Variants in PUM1 observed in about 807,000 individuals in gnomAD.
The protein encoded by PUM1 is pumilio homolog 1.
A neutral mutation model predicts 131.8 loss-of-function variants in PUM1; 13 were observed. That is an observed-to-expected ratio of 0.10 (90% confidence interval 0.06 to 0.16). The LOEUF (loss-of-function observed/expected upper bound fraction) is 0.16, where lower values mean the gene tolerates loss of function less well. PUM1 is among the 10% of genes least tolerant of loss of function. The pLI is 1.00. For missense variants in PUM1, 961 were observed against 1,512.4 expected (o/e 0.64, Z 6.05); for synonymous variants, 509 against 556.5 (o/e 0.91, Z 1.20).
chr1:31,056,907 C>T (rs1644254579), intron 2 of PUM1, among the ~76,000 whole-genome samples: 1 of 152,126 alleles, frequency 6.6e-6, no homozygotes, highest in Non-Finnish European at 1.5e-5. Context: ...ACTCTCCTGC[C>T]TCAGCCTTCC....
intron 7 of PUM1, among the ~76,000 whole-genome samples, chr1:30,983,245 T>C (rs567671416): frequency 1.3e-5 from 2 of 152,218 alleles, no homozygotes; most frequent in Non-Finnish European, 2.9e-5. Context: ...AGTAAAACAG[T>C]AGAAAGTTAC....
intron 14 of PUM1, among the ~76,000 whole-genome samples, chr1:30,954,913 A>G (rs1362232863): frequency 6.6e-6 from 1 of 152,066 alleles, no homozygotes; most frequent in Non-Finnish European, 1.5e-5. Context: ...AAAATAAAAA[A>G]TAAAAATTAG....
intron 14 of PUM1, among the ~76,000 whole-genome samples, chr1:30,956,494 C>T (rs1640171764): frequency 6.6e-6 from 1 of 152,144 alleles, no homozygotes; most frequent in Admixed American, 6.5e-5. Context: ...AAACTCCTGA[C>T]CTCATGTGAT....
intron 10 of PUM1, among the ~76,000 whole-genome samples, chr1:30,973,852 G>A (rs1641028259): frequency 6.6e-6 from 1 of 152,080 alleles, no homozygotes; most frequent in Non-Finnish European, 1.5e-5. Flanking sequence ...CACTTTGGGA[G>A]GCCGAGGCGG....
Position 30,941,226 on chromosome 1 carries a change from C to T in PUM1, c.3167G>A (p.Arg1056His), listed in dbSNP as rs142957510. ...YVIQHVLEHG[R>H]PEDKSKIVAE... The stretch of plus-strand genomic sequence containing the variant: ...TACAATTTTGCTTTTATCCTCAGGA[C>T]GACCGTGCTCCAGTACATGTTGGAT... Residue 1056 changes from arginine (R) to histidine (H), a missense_variant, in exon 20 of 22, where the codon CGT becomes CAT. Physicochemically the swap from Arg to His is conservative, Grantham distance 29. This residue lies in a region of PUM1 where 178 missense variants were observed against 327.5 expected (regional missense o/e 0.54). Transcript: ENST00000426105. The T allele has an allele frequency of 1.2e-5, 19 of 1,612,410 alleles. No homozygotes were observed. Among genetic ancestry groups the T allele is most frequent in the Non-Finnish European group, 1.5e-5 (18 of 1,178,576 alleles).
chr1:30,995,244 T>G (rs1426236137), intron 5 of PUM1, 24 bp from the exon 6 acceptor site: 3 of 1,612,962 alleles, frequency 1.9e-6, no homozygotes, highest in Non-Finnish European at 2.5e-6. Flanking sequence ...AGCTTCAGCT[T>G]CACTAATCGT....
intron 16 of PUM1, among the ~76,000 whole-genome samples, chr1:30,951,378 T>C (rs964044368): frequency 2.0e-5 from 3 of 152,176 alleles, no homozygotes; most frequent in Non-Finnish European, 4.4e-5. Flanking sequence ...TGAAAAAACA[T>C]AAGTCTTCAT....
chr1:31,009,528 G>A (rs1238647187), intron 3 of PUM1, among the ~76,000 whole-genome samples: 2 of 152,138 alleles, frequency 1.3e-5, no homozygotes, highest in South Asian at 2.1e-4. Flanking sequence ...CACCTTGGGA[G>A]GCTGAGGCAG....
intron 3 of PUM1, among the ~76,000 whole-genome samples, chr1:31,013,550 A>T (rs1227383994): frequency 6.6e-6 from 1 of 152,232 alleles, no homozygotes; most frequent in Non-Finnish European, 1.5e-5. Context: ...GTTTCACTGG[A>T]ATGCAGCCAA....
At chr1:31,038,984 ATTTT>A (rs35507851) in intron 2 of PUM1, among the ~76,000 whole-genome samples, 666 of 49,420 alleles carry the variant, frequency 0.013, 24 homozygotes, top group Middle Eastern at 0.028. Flanking sequence ...ATATATATAT[ATTTT>A]TTTTTTTTTT....
At chr1:31,016,064 T>C (rs1642807685) in intron 3 of PUM1, among the ~76,000 whole-genome samples, 1 of 152,226 alleles carries the variant, frequency 6.6e-6, no homozygotes, top group African/African-American at 2.4e-5. Flanking sequence ...AGCAAGCTGA[T>C]ACAGGCTTAG....
intron 18 of PUM1, among the ~76,000 whole-genome samples, chr1:30,944,071 T>C (rs141676939): frequency 6.6e-6 from 1 of 152,218 alleles, no homozygotes. Flanking sequence ...TTTTGTTGTA[T>C]AATTCCATAA....
intron 2 of PUM1, among the ~76,000 whole-genome samples, chr1:31,038,212 AAAAG>A (rs1376029184): frequency 2.6e-5 from 4 of 152,274 alleles, no homozygotes; most frequent in Middle Eastern, 3.4e-3. Flanking sequence ...TTAAAAAAAA[AAAAG>A]AGAGAGAGAA....
At chr1:31,027,290 AAAAG>A (rs1218507408) in intron 3 of PUM1, among the ~76,000 whole-genome samples, 4 of 152,224 alleles carry the variant, frequency 2.6e-5, no homozygotes, top group Admixed American at 2.6e-4. Context: ...AAAAATTCAA[AAAAG>A]AAAGAAAAAC....
At chr1:30,950,947 T>C (rs1639910016) in intron 16 of PUM1, among the ~76,000 whole-genome samples, 1 of 150,798 alleles carries the variant, frequency 6.6e-6, no homozygotes, top group South Asian at 2.1e-4. Context: ...AGAGAATTGA[T>C]TTTTTTTTCT....
chr1:31,005,810 AGAGAG>A, intron 5 of PUM1, 38 bp downstream of exon 5: 2 of 1,521,566 alleles, frequency 1.3e-6, no homozygotes, highest in Non-Finnish European at 8.8e-7. Flanking sequence ...AGAGAGAGAG[AGAGAG>A]AGAGAGAGAT....
At chr1:30,994,070 C>CA (rs1369828164) in intron 6 of PUM1, among the ~76,000 whole-genome samples, 9 of 151,762 alleles carry the variant, frequency 5.9e-5, no homozygotes, top group African/African-American at 1.9e-4. Context: ...ACCCTGTCTC[C>CA]AAAAAATAAA....
chr1:30,938,679 A>G (rs1442726284), intron 20 of PUM1, among the ~76,000 whole-genome samples: 2 of 152,194 alleles, frequency 1.3e-5, no homozygotes, highest in South Asian at 2.1e-4. Context: ...CCTGGCTAAC[A>G]TGGTGAAACC....
rs373684016 is a variant in PUM1, at chr1:31,006,040, A to G, written c.542-9T>C. On this transcript the variant is annotated splice_polypyrimidine_tract_variant and intron_variant, in intron 4 of 21. Transcript: ENST00000426105. ...CTGGGAAACTGAATGATCTACAAAA[A>G]AGATACACAAGCATGATACAGTGCA... The G allele has an allele frequency of 6.3e-7, 1 of 1,594,990 alleles. No homozygotes were observed. The highest frequency in any genetic ancestry group is 1.3e-5 in the African/African-American group (1 of 74,170).
Sources: gnomAD v4.1 joint callset for allele counts (sites outside exome capture counted in the v4.1 genomes callset) on GRCh38, gnomAD v4.1.1 for gene constraint, gnomAD v4.1.1 regional missense constraint, MANE v1.5 for transcripts, NCBI Gene and HGNC (gene_info 2026-07-23, HGNC 2026-07-21) for gene names.